The following AFDN variants were observed in gnomAD, a reference collection of about 807,000 sequenced individuals.
The protein encoded by AFDN is afadin.
AFDN carries 68 observed loss-of-function variants against 216.6 expected under a neutral mutation model. The observed-to-expected ratio is 0.31, with a 90% CI of 0.26 to 0.38. AFDN has a LOEUF of 0.38. Among genes scored for constraint, AFDN ranks in the 10% least tolerant of loss-of-function variants. The pLI, the probability that AFDN is intolerant of heterozygous loss-of-function variation, is 1.00. For missense variants in AFDN, 2,136 were observed against 2,342.0 expected, an observed-to-expected ratio of 0.91 and a Z score of 1.82; for synonymous variants, 868 against 853.7, an observed-to-expected ratio of 1.02 and a Z score of -0.29.
At chr6:167,860,187 T>TTTTTTTA (rs1220098188) in intron 1 of AFDN, among the ~76,000 whole-genome samples, 2 of 88,992 alleles carry the variant, frequency 2.2e-5, no homozygotes, top group African/African-American at 8.9e-5. Flanking sequence ...TTTTTTTTTT[T>TTTTTTTA]AGAAACCTTT....
chr6:167,893,675 G>A (rs564245931), intron 8 of AFDN, 187 bp from the exon 9 acceptor site: 1 of 565,288 alleles, frequency 1.8e-6, no homozygotes, highest in African/African-American at 1.9e-5. Context: ...ACTGACTGGG[G>A]CACTAGTATA....
intron 18 of AFDN, 76 bp from the exon 19 acceptor site, chr6:167,915,092 T>C (rs1366344088): frequency 1.3e-6 from 2 of 1,491,910 alleles, no homozygotes; most frequent in Admixed American, 1.8e-5. Flanking sequence ...TACCATTATC[T>C]AAATCTGCTG....
intron 15 of AFDN, 31 bp from the exon 16 acceptor site, chr6:167,913,372 G>C (rs2128463885): frequency 6.5e-7 from 1 of 1,534,926 alleles, no homozygotes; most frequent in African/African-American, 1.4e-5. Flanking sequence ...CTCTCGTTCT[G>C]CTTGATTTCC....
chr6:167,848,320 G>T (rs959411455), intron 1 of AFDN, among the ~76,000 whole-genome samples: 1 of 152,082 alleles, frequency 6.6e-6, no homozygotes, highest in African/African-American at 2.4e-5. Flanking sequence ...TAGTTAAATA[G>T]TGTCCAGAAA....
Position 167,966,051 on chromosome 6 carries a change from G to A in AFDN, c.5257+6G>A, listed in dbSNP as rs1332213070. ...GGAGGACTGCAGCCTAGCAGGTCAG[G>A]ATAAGTACTCCAGCACAAGAAAGTC... On this transcript the variant is annotated splice_donor_region_variant and intron_variant, in intron 32 of 33. Transcript: ENST00000683244. 7 of 1,542,794 alleles carry A rather than the reference G, an allele frequency of 4.5e-6. No individual in the cohort carries two copies. Among genetic ancestry groups the A allele is most frequent in the Non-Finnish European group, 6.1e-6 (7 of 1,146,944 alleles).
At position 167,962,535 on chromosome 6, in the gene AFDN, G is replaced by T; in HGVS notation, c.4936G>T (p.Glu1646Ter). 1 of 1,614,034 alleles carries T rather than the reference G, an allele frequency of 6.2e-7. No individual in the cohort carries two copies. The highest frequency in any genetic ancestry group is 8.5e-7 in the Non-Finnish European group (1 of 1,179,898). ...AGAGGAAGAGCGCCGGCGGCAGGAGGAGGAGCGAACAAAACGAGACGCTGA... is the reference window on the plus strand; with the variant it reads ...AGAGGAAGAGCGCCGGCGGCAGGAGTAGGAGCGAACAAAACGAGACGCTGA... ...RQEEERRRQE[E>*]ERTKRDAEEK... The change falls in exon 31 of 34, where the codon GAG becomes TAG. Residue 1646 changes from glutamate to a stop codon, truncating the protein, a stop_gained. Coordinates refer to ENST00000683244, the MANE Select transcript of AFDN (RefSeq NM_001386888.1). LOFTEE classifies it high-confidence loss of function. This position sits in a 1 kb window ranked among gnomAD's most constrained non-coding sequence, Gnocchi z 5.2.
At chr6:167,945,602 C>G (rs186161637) in intron 26 of AFDN, among the ~76,000 whole-genome samples, 132 of 152,288 alleles carry the variant, frequency 8.7e-4, no homozygotes, top group African/African-American at 3.1e-3. Flanking sequence ...TGTACTACAG[C>G]TTTACACTGG....
intron 2 of AFDN, among the ~76,000 whole-genome samples, chr6:167,865,145 A>G (rs1784033884): frequency 6.6e-6 from 1 of 152,178 alleles, no homozygotes; most frequent in Admixed American, 6.5e-5. Flanking sequence ...GGTATGAGTC[A>G]TCAATCTTGC....
At chr6:167,887,882 G>C (rs1787065224) in intron 6 of AFDN, among the ~76,000 whole-genome samples, 1 of 152,148 alleles carries the variant, frequency 6.6e-6, no homozygotes, top group African/African-American at 2.4e-5. Context: ...GCTGCCCTTA[G>C]AGCTTATAAT....
At chr6:167,947,685 G>T (rs903636187) in intron 27 of AFDN, among the ~76,000 whole-genome samples, 168 bp from the exon 28 acceptor site, 8 of 151,836 alleles carry the variant, frequency 5.3e-5, no homozygotes, top group African/African-American at 1.9e-4. Flanking sequence ...GATGGATGTG[G>T]ATATGACAAG....
At position 167,943,442 on chromosome 6, in the gene AFDN, A is replaced by T; in HGVS notation, c.3206A>T (p.Asp1069Val). 6.2e-7 allele frequency: 1 copy of T among 1,614,168 alleles called. No individual in the cohort carries two copies. The highest frequency in any genetic ancestry group is 8.5e-7 in the Non-Finnish European group (1 of 1,180,000). ...GCAGGTGATCAGCTCCTCAGTGTGGATGGACGAAGTCTGGTTGGACTCTCT... is the reference window on the plus strand; with the variant it reads ...GCAGGTGATCAGCTCCTCAGTGTGGTTGGACGAAGTCTGGTTGGACTCTCT... ...LAAGDQLLSV[D>V]GRSLVGLSQE... Residue 1069 changes from aspartate to valine, a missense_variant, in exon 25 of 34, where the codon GAT (aspartate) becomes GTT (valine). Physicochemically the swap from Asp to Val is radical, Grantham distance 152. Around this residue, in one of 8 missense-constraint regions of AFDN, gnomAD observed 74 missense variants for 98.8 expected, o/e 0.75. Coordinates refer to ENST00000683244, the MANE Select transcript of AFDN (RefSeq NM_001386888.1).
intron 1 of AFDN, among the ~76,000 whole-genome samples, chr6:167,833,226 A>G (rs561984557): frequency 6.6e-6 from 1 of 152,326 alleles, no homozygotes; most frequent in Non-Finnish European, 1.5e-5. Flanking sequence ...GGCTAGCTCT[A>G]GTCTAGCTCT....
intron 1 of AFDN, chr6:167,864,311 C>G (rs763263012): frequency 2.5e-5 from 18 of 712,376 alleles, no homozygotes; most frequent in South Asian, 1.9e-4. Flanking sequence ...ATAACATCAT[C>G]TATTTGACAG....
chr6:167,939,484 A>G (rs906331704), intron 23 of AFDN, among the ~76,000 whole-genome samples: 4 of 152,220 alleles, frequency 2.6e-5, no homozygotes, highest in African/African-American at 9.6e-5. Flanking sequence ...AAGAAGGACT[A>G]TCAGCGCTCC....
intron 27 of AFDN, among the ~76,000 whole-genome samples, chr6:167,947,335 A>T (rs111779146): frequency 1.2e-4 from 18 of 152,014 alleles, no homozygotes; most frequent in Admixed American, 2.6e-4. Context: ...GCCCACCACC[A>T]CGCCCGGCTA....
chr6:167,947,335 A>G (rs111779146), intron 27 of AFDN, among the ~76,000 whole-genome samples: 2,701 of 152,006 alleles, frequency 0.018, 35 homozygotes, highest in Non-Finnish European at 0.027. Context: ...GCCCACCACC[A>G]CGCCCGGCTA....
intron 23 of AFDN, among the ~76,000 whole-genome samples, chr6:167,929,205 T>C (rs1480220684): frequency 6.6e-6 from 1 of 151,040 alleles, no homozygotes; most frequent in African/African-American, 2.4e-5. Flanking sequence ...AAAAGTAGAG[T>C]GTAAATTTTC....
chr6:167,878,407 G>A (rs991521986), intron 5 of AFDN, among the ~76,000 whole-genome samples: 1 of 152,046 alleles, frequency 6.6e-6, no homozygotes, highest in African/African-American at 2.4e-5. Flanking sequence ...GTGCCTTCTG[G>A]TGTCATGGAA....
At chr6:167,864,324 A>G (rs761879919) in intron 1 of AFDN, 2 of 731,588 alleles carry the variant, frequency 2.7e-6, no homozygotes, top group Non-Finnish European at 5.0e-6. Context: ...TTTGACAGCC[A>G]TTATTTCATA....
Sources: gnomAD v4.1 joint callset for allele counts (sites outside exome capture counted in the v4.1 genomes callset) on GRCh38, gnomAD v4.1.1 for gene constraint, gnomAD v4.1.1 regional missense constraint, Gnocchi (gnomAD v3.1) non-coding constraint, MANE v1.5 for transcripts, NCBI Gene and HGNC (gene_info 2026-07-23, HGNC 2026-07-21) for gene names.